GABBR2: variants seen among roughly 807,000 people sequenced by gnomAD.
The protein encoded by GABBR2 is gamma-aminobutyric acid type B receptor subunit 2.
GABBR2 carries 23 observed loss-of-function variants against 105.6 expected under a neutral mutation model. The observed-to-expected ratio is 0.22, with a 90% confidence interval of 0.16 to 0.31. GABBR2 has a LOEUF of 0.31. GABBR2 is among the 10% of genes least tolerant of loss of function. The probability of loss-of-function intolerance (pLI) is 1.00; values close to 1 mark genes in which losing one functional copy is unlikely to be tolerated. For missense variants in GABBR2, 734 were observed against 1,245.5 expected (o/e 0.59, Z 6.18); for synonymous variants, 478 against 499.7 (o/e 0.96, Z 0.58).
At chr9:98,648,980 G>T (rs1490077436) in intron 1 of GABBR2, among the ~76,000 whole-genome samples, 5 of 152,158 alleles carry the variant, frequency 3.3e-5, no homozygotes, top group African/African-American at 7.2e-5. Flanking sequence ...TTTTAAATGG[G>T]TCATGCTGGC....
chr9:98,299,995 T>G lies in GABBR2; in HGVS notation c.2413-642A>C, dbSNP rs556139524. Among the ~76,000 whole-genome samples, 9 of 151,990 alleles carry G rather than the reference T, an allele frequency of 5.9e-5. No homozygotes were observed. In the East Asian group the frequency reaches 1.4e-3, roughly 23 times the overall value. On this transcript the variant is annotated intron_variant, in intron 16 of 18. Transcript: ENST00000259455. Reference sequence around the variant, plus strand: ...CTCCTGTCTCACCCTCCTGAGTAGCTGGGACTACACGTGCATGCTACCATG... The same window carrying G: ...CTCCTGTCTCACCCTCCTGAGTAGCGGGGACTACACGTGCATGCTACCATG...
At chr9:98,580,636 A>T (rs1229125661) in intron 1 of GABBR2, among the ~76,000 whole-genome samples, 1 of 152,120 alleles carries the variant, frequency 6.6e-6, no homozygotes, top group Non-Finnish European at 1.5e-5. Flanking sequence ...AAAAATACAA[A>T]AATTAGCCAG....
At chr9:98,359,257 A>G (rs1291385123) in intron 13 of GABBR2, among the ~76,000 whole-genome samples, 1 of 151,890 alleles carries the variant, frequency 6.6e-6, no homozygotes, top group Non-Finnish European at 1.5e-5. Flanking sequence ...GTGAAAGCCT[A>G]TCTCTACTAA....
intron 6 of GABBR2, among the ~76,000 whole-genome samples, chr9:98,461,430 T>A (rs967137746): frequency 6.6e-6 from 1 of 152,214 alleles, no homozygotes; most frequent in Non-Finnish European, 1.5e-5. Context: ...TATATGCAGT[T>A]GTTTAATTTA....
chr9:98,652,677 C>A (rs569913174), intron 1 of GABBR2, among the ~76,000 whole-genome samples: 22 of 152,238 alleles, frequency 1.4e-4, no homozygotes, highest in Non-Finnish European at 2.6e-4. Flanking sequence ...GCCTTTCCCC[C>A]CAGTGGAGCG....
At chr9:98,469,989 A>C (rs756314138) in intron 6 of GABBR2, among the ~76,000 whole-genome samples, 5 of 152,236 alleles carry the variant, frequency 3.3e-5, no homozygotes, top group Non-Finnish European at 5.9e-5. Flanking sequence ...ACTATGTTTG[A>C]CCATAGACTT....
intron 7 of GABBR2, among the ~76,000 whole-genome samples, chr9:98,413,609 T>C (rs1832629114): frequency 6.6e-6 from 1 of 152,200 alleles, no homozygotes; most frequent in South Asian, 2.1e-4. Context: ...TGCAGGGAAC[T>C]GAAAGAAGGA....
At chr9:98,651,899 T>C (rs1213920982) in intron 1 of GABBR2, among the ~76,000 whole-genome samples, 1 of 152,256 alleles carries the variant, frequency 6.6e-6, no homozygotes, top group South Asian at 2.1e-4. Flanking sequence ...TTTTAAAAGG[T>C]GTGATCATGG....
At chr9:98,413,776 G>A (rs1416127272) in intron 7 of GABBR2, among the ~76,000 whole-genome samples, 1 of 152,182 alleles carries the variant, frequency 6.6e-6, no homozygotes, top group East Asian at 1.9e-4. Flanking sequence ...GGGGCTGTGT[G>A]CGGTGGAGGG....
intron 2 of GABBR2, among the ~76,000 whole-genome samples, chr9:98,572,827 A>C (rs1334561452): frequency 1.3e-5 from 2 of 152,160 alleles, no homozygotes; most frequent in African/African-American, 4.8e-5. Context: ...TCCTCAGAGA[A>C]GTCCAAACTG....
intron 3 of GABBR2, among the ~76,000 whole-genome samples, chr9:98,534,884 C>T (rs1349275605): frequency 2.0e-5 from 3 of 152,206 alleles, no homozygotes; most frequent in African/African-American, 7.2e-5. Flanking sequence ...GGTATTTACC[C>T]AAAGAGCTGA....
intron 1 of GABBR2, among the ~76,000 whole-genome samples, chr9:98,595,172 G>A (rs1033637138): frequency 6.6e-6 from 1 of 152,126 alleles, no homozygotes; most frequent in Non-Finnish European, 1.5e-5. Flanking sequence ...GTCTAGTGAA[G>A]GCTGGTTTCC....
chr9:98,442,430 AG>A (rs1329364292), intron 7 of GABBR2, among the ~76,000 whole-genome samples: 1 of 152,236 alleles, frequency 6.6e-6, no homozygotes, highest in Admixed American at 6.5e-5. Flanking sequence ...AATGGTTAAA[AG>A]TGAGGGTCGA....
chr9:98,403,008 C>T (rs1237054832), intron 8 of GABBR2, among the ~76,000 whole-genome samples: 1 of 152,044 alleles, frequency 6.6e-6, no homozygotes, highest in Non-Finnish European at 1.5e-5. Flanking sequence ...TTTAAAAAAA[C>T]ATGTAGGCCA....
intron 16 of GABBR2, 110 bp from the exon 17 acceptor site, chr9:98,299,463 G>A (rs905250636): frequency 2.6e-6 from 3 of 1,158,060 alleles, no homozygotes; most frequent in Middle Eastern, 2.9e-4. Context: ...GTATTCAGGA[G>A]TGCCCTGAGA....
chr9:98,425,014 C>G (rs779983925), intron 7 of GABBR2, among the ~76,000 whole-genome samples: 1 of 151,902 alleles, frequency 6.6e-6, no homozygotes, highest in Non-Finnish European at 1.5e-5. Flanking sequence ...AAAAAGAGCC[C>G]GCATCGCCAA....
intron 5 of GABBR2, among the ~76,000 whole-genome samples, chr9:98,475,794 C>A (rs1035792617): frequency 2.0e-5 from 3 of 152,114 alleles, no homozygotes; most frequent in African/African-American, 7.2e-5. Context: ...AGTGGCTGGG[C>A]GCGTTGGCTC....
chr9:98,545,531 A>T (rs559988687), intron 2 of GABBR2, among the ~76,000 whole-genome samples: 46 of 152,282 alleles, frequency 3.0e-4, no homozygotes, highest in African/African-American at 9.6e-4. Flanking sequence ...GGAGATTTTA[A>T]AGAATACTGA....
chr9:98,395,280 G>A (rs1005110470), intron 8 of GABBR2, among the ~76,000 whole-genome samples: 3 of 152,166 alleles, frequency 2.0e-5, no homozygotes, highest in Non-Finnish European at 2.9e-5. Flanking sequence ...TCCCATCCCT[G>A]AGCAGAGAAC....
Sources: allele counts gnomAD v4.1 joint callset (sites outside exome capture counted in the v4.1 genomes callset), GRCh38; gene constraint gnomAD v4.1.1; transcripts MANE v1.5; gene names NCBI Gene and HGNC (gene_info 2026-07-23, HGNC 2026-07-21).